The following ADGRB1 variants were observed in gnomAD, a reference collection of about 807,000 sequenced individuals.
The protein encoded by ADGRB1 is adhesion G protein-coupled receptor B1, also known as brain-specific angiogenesis inhibitor 1.
A neutral mutation model predicts 175.7 loss-of-function variants in ADGRB1; 36 were observed. The observed-to-expected ratio is 0.20, with a 90% confidence interval of 0.16 to 0.27. ADGRB1 has a LOEUF of 0.27. Ranked by LOEUF, ADGRB1 falls within the 10% of genes least tolerant of loss-of-function variation. The pLI, the probability that ADGRB1 is intolerant of heterozygous loss-of-function variation, is 1.00. For missense variants in ADGRB1, 1,731 were observed against 2,255.3 expected (o/e 0.77, Z 4.71); for synonymous variants, 1,054 against 979.4 (o/e 1.08, Z -1.42).
rs374475005 is a variant in ADGRB1, at chr8:142,477,446, C to A, written c.1284C>A (p.Gly428=). Residue 428 remains glycine, a synonymous_variant, in exon 6 of 31, where the codon GGC becomes GGA. Transcript: ENST00000517894. ...TCTGCTCCAGCACCTGTGGCCGTGG[C>A]TTTCGGGATCGCACGCGCACCTGCA... ...WSLCSSTCGR[G]FRDRTRTCRP... 13 of 1,612,308 alleles carry A rather than the reference C, an allele frequency of 8.1e-6. No individual in the cohort carries two copies. Among genetic ancestry groups the A allele is most frequent in the African/African-American group, 1.3e-5 (1 of 74,914 alleles).
chr8:142,494,502 A>C (rs1164523703), intron 17 of ADGRB1, among the ~76,000 whole-genome samples: 1 of 152,074 alleles, frequency 6.6e-6, no homozygotes, highest in Admixed American at 6.5e-5. Context: ...TTCCAGCCAC[A>C]TACAGCAACT....
chr8:142,522,133 C>G lies in ADGRB1; in HGVS notation c.3175+18C>G. The stretch of plus-strand genomic sequence containing the variant: ...GGGCTGGGGTGAGCCGCGGCCTTCC[C>G]GACCCTCCTGGACAGATACCCTTCC... On this transcript the variant is annotated intron_variant, in intron 21 of 30. Transcript: ENST00000517894. The G allele has an allele frequency of 6.2e-7, 1 of 1,604,332 alleles. No individual in the cohort carries two copies. The highest frequency in any genetic ancestry group is 8.5e-7 in the Non-Finnish European group (1 of 1,179,042).
chr8:142,520,362 G>T (rs1843723708), intron 19 of ADGRB1, among the ~76,000 whole-genome samples: 1 of 139,192 alleles, frequency 7.2e-6, no homozygotes, highest in Non-Finnish European at 1.6e-5. Flanking sequence ...GTATGATGAT[G>T]GTGGTGATGG....
chr8:142,519,665 GGTA>G (rs1324192549), intron 19 of ADGRB1, among the ~76,000 whole-genome samples: 1 of 150,646 alleles, frequency 6.6e-6, no homozygotes, highest in African/African-American at 2.4e-5. Flanking sequence ...TGATGATGAT[GGTA>G]GTGGTGGTGA....
chr8:142,468,693 G>C (rs1170802961), intron 2 of ADGRB1, among the ~76,000 whole-genome samples: 1 of 152,206 alleles, frequency 6.6e-6, no homozygotes, highest in Non-Finnish European at 1.5e-5. Context: ...GACCCGCAGG[G>C]CTCCCGCCTT....
intron 22 of ADGRB1, among the ~76,000 whole-genome samples, chr8:142,523,034 T>A (rs985635010): frequency 2.6e-5 from 4 of 152,142 alleles, no homozygotes; most frequent in Non-Finnish European, 5.9e-5. Flanking sequence ...GGAGCCCCCC[T>A]CTGTACGGTG....
chr8:142,520,010 ATGG>A (rs1426930442), intron 19 of ADGRB1, among the ~76,000 whole-genome samples: 5 of 48,250 alleles, frequency 1.0e-4, no homozygotes, highest in East Asian at 7.5e-4. Flanking sequence ...GATTATGGTG[ATGG>A]TGGTGATGGT....
At chr8:142,527,174 C>T (rs540522164) in intron 24 of ADGRB1, among the ~76,000 whole-genome samples, 1 of 152,314 alleles carries the variant, frequency 6.6e-6, no homozygotes, top group Admixed American at 6.5e-5. Context: ...AAGACAGAGG[C>T]GCTTGGGATG....
intron 24 of ADGRB1, 58 bp from the exon 25 acceptor site, chr8:142,533,237 G>T (rs1361304651): frequency 6.9e-7 from 1 of 1,445,924 alleles, no homozygotes; most frequent in South Asian, 1.4e-5. Flanking sequence ...AGGGTTCAGG[G>T]CAGGGTGTCC....
intron 3 of ADGRB1, 22 bp downstream of exon 3, chr8:142,475,657 C>A (rs984950020): frequency 7.2e-6 from 8 of 1,110,286 alleles, no homozygotes; most frequent in Non-Finnish European, 8.8e-6. Flanking sequence ...CGGGGCGGGG[C>A]GGAGCCGGAG....
intron 1 of ADGRB1, among the ~76,000 whole-genome samples, chr8:142,458,956 G>T (rs1314877143): frequency 6.6e-6 from 1 of 152,340 alleles, no homozygotes. Flanking sequence ...TTCTCTGCAA[G>T]AGAGTTGGTG....
Position 142,543,827 on chromosome 8 carries a change from C to G in ADGRB1, c.4557+119C>G. 9.7e-7 allele frequency: 1 copy of G among 1,027,300 alleles called. No homozygotes were observed. Among genetic ancestry groups the G allele is most frequent in the African/African-American group, 1.6e-5 (1 of 63,160 alleles). 63.6% of individuals were successfully genotyped at this position (1,027,300 alleles called of 1,614,324 possible). On this transcript the variant is annotated intron_variant, in intron 30 of 30. Transcript: ENST00000517894. This position sits in a 1 kb window ranked among gnomAD's most constrained non-coding sequence, Gnocchi z 4.4. ...CCATCCATCCATCCATTCGTTCATT[C>G]ATTCATTCATTCGCCCATCCCTGAG...
chr8:142,509,282 G>T (rs1304468717), intron 17 of ADGRB1, among the ~76,000 whole-genome samples: 1 of 152,218 alleles, frequency 6.6e-6, no homozygotes, highest in African/African-American at 2.4e-5. Context: ...TGGAGTGGGT[G>T]CTTCCCTCTG....
chr8:142,458,752 C>T (rs1038144103), intron 1 of ADGRB1, among the ~76,000 whole-genome samples: 3 of 152,288 alleles, frequency 2.0e-5, no homozygotes, highest in Non-Finnish European at 2.9e-5. Flanking sequence ...AACTTCCTGA[C>T]CACAAGGGCA....
At chr8:142,458,452 T>C (rs1587242712) in intron 1 of ADGRB1, among the ~76,000 whole-genome samples, 1 of 152,082 alleles carries the variant, frequency 6.6e-6, no homozygotes, top group Admixed American at 6.5e-5. Flanking sequence ...AGCTGTGAGA[T>C]TGAAGGAGGG....
Position 142,486,539 on chromosome 8 carries a change from T to G in ADGRB1, c.2308+1775T>G, listed in dbSNP as rs1841680266. The stretch of plus-strand genomic sequence containing the variant: ...CTAAAACAGACACAGTCCGAGGATA[T>G]TTAAGTTAAGCAACCCTAACTTCCA... On this transcript the variant is annotated intron_variant, in intron 13 of 30. Transcript: ENST00000517894. 2.0e-5 allele frequency among the ~76,000 whole-genome samples: 3 copies of G among 152,302 alleles called. No homozygotes were observed. The South Asian group carries it at 6.2e-4, about 32-fold the overall frequency.
In ADGRB1 at chr8:142,449,796, C is replaced by T. The variant is rs1839225670; in HGVS notation, c.-528C>T. ...GGAGAGCCGGGAGCACAGGCGGCCG[C>T]GCCGCGTCCTGGCCCGGCCCGGGCC... On this transcript the variant is annotated 5_prime_UTR_variant, in exon 1 of 31. Coordinates refer to ENST00000517894, the MANE Select transcript of ADGRB1 (RefSeq NM_001702.3). 6.8e-6 allele frequency: 1 copy of T among 146,640 alleles called. No individual in the cohort carries two copies. The highest frequency in any genetic ancestry group is 1.5e-5 in the Non-Finnish European group (1 of 65,754). The allele number at this position is 146,640 out of a possible 1,614,324, so 9.1% of individuals were successfully genotyped here.
rs1002112286 is a variant in ADGRB1 at position 142,493,676 on chromosome 8, G to A, written c.2675+2861G>A. Among the ~76,000 whole-genome samples the A allele has an allele frequency of 1.3e-5, 2 of 152,254 alleles. No homozygotes were observed. Among genetic ancestry groups the A allele is most frequent in the Non-Finnish European group, 1.5e-5 (1 of 68,048 alleles). Reference sequence around the variant, plus strand: ...GCACACCTGCTGCCTGTGAGGAGCTGAGGCCCTGAGACTCCTACAGTCCCG... The same window carrying A: ...GCACACCTGCTGCCTGTGAGGAGCTAAGGCCCTGAGACTCCTACAGTCCCG... On this transcript the variant is annotated intron_variant, in intron 17 of 30. Transcript: ENST00000517894. The surrounding 1 kb of genome is among the most constrained non-coding windows in gnomAD (Gnocchi z 5.0).
rs565658910 is a variant in ADGRB1 at position 142,533,454 on chromosome 8, C to T, written c.3558C>T (p.Ile1186=). 3.7e-5 allele frequency: 59 copies of T among 1,607,560 alleles called. No individual in the cohort carries two copies. The Middle Eastern group carries it at 8.3e-4, about 23-fold the overall frequency. The change falls in exon 25 of 31, where the codon ATC becomes ATT. Residue 1186 remains isoleucine, a synonymous_variant. Transcript: ENST00000517894. ...EGFVIVMVHC[I]LRREVQDAVK... Reference sequence around the variant, plus strand: ...TCGTCATCGTCATGGTGCACTGTATCCTCCGTAGAGAGGTGGGTGAGGCAG... The same window carrying T: ...TCGTCATCGTCATGGTGCACTGTATTCTCCGTAGAGAGGTGGGTGAGGCAG...
Sources: gnomAD v4.1 joint callset for allele counts (sites outside exome capture counted in the v4.1 genomes callset) on GRCh38, gnomAD v4.1.1 for gene constraint, Gnocchi (gnomAD v3.1) non-coding constraint, MANE v1.5 for transcripts, NCBI Gene and HGNC (gene_info 2026-07-23, HGNC 2026-07-21) for gene names.